Variants in ZBBX observed in about 807,000 individuals in gnomAD.
ZBBX encodes the protein zinc finger B-box domain-containing protein 1.
A neutral mutation model predicts 108.5 loss-of-function variants in ZBBX; 101 were observed. The observed-to-expected ratio is 0.93, with a 90% confidence interval of 0.79 to 1.10. The LOEUF (loss-of-function observed/expected upper bound fraction) is 1.10, where lower values mean the gene tolerates loss of function less well. Ranked by LOEUF, ZBBX falls within the 50% of genes least tolerant of loss-of-function variation. The pLI is 0.00. For missense variants in ZBBX, 1,009 were observed against 941.4 expected (o/e 1.07, Z -0.94); for synonymous variants, 356 against 323.4 (o/e 1.10, Z -1.08).
the ZBBX span, among the ~76,000 whole-genome samples, chr3:167,182,200 A>G: frequency 1.3e-5 from 2 of 152,054 alleles, no homozygotes; most frequent in African/African-American, 2.4e-5. Context: ...TATATCCTCT[A>G]CCCACTTTCA....
intron 20 of ZBBX, among the ~76,000 whole-genome samples, chr3:167,274,403 C>T (rs151011242): frequency 6.6e-6 from 1 of 152,310 alleles, no homozygotes; most frequent in African/African-American, 2.4e-5. Flanking sequence ...TAGTTCTCCT[C>T]CACCCTATTC....
intron 17 of ZBBX, among the ~76,000 whole-genome samples, chr3:167,299,425 T>C (rs1032963517): frequency 6.6e-6 from 1 of 152,068 alleles, no homozygotes; most frequent in Non-Finnish European, 1.5e-5. Context: ...CAATAAACAA[T>C]TACAGAATTC....
At chr3:167,332,147 G>A (rs2108392447) in intron 10 of ZBBX, among the ~76,000 whole-genome samples, 1 of 152,140 alleles carries the variant, frequency 6.6e-6, no homozygotes, top group South Asian at 2.1e-4. Context: ...ACAGTTGGAG[G>A]AGCACTGCTC....
rs1217117361 is a variant in ZBBX at position 167,347,088 on chromosome 3, G to T, written c.528+3332C>A. 2.0e-5 allele frequency among the ~76,000 whole-genome samples: 3 copies of T among 151,756 alleles called. No individual in the cohort carries two copies. The East Asian group carries it at 5.8e-4, about 29-fold the overall frequency. The stretch of plus-strand genomic sequence containing the variant: ...TTATTCTATTTCTTATAATAAAGGT[G>T]GTTATTATAACAGGCATGAGTCACT... On this transcript the variant is annotated intron_variant, in intron 9 of 21. Coordinates refer to ENST00000675490, the MANE Select transcript of ZBBX (RefSeq NM_001199201.2).
At chr3:167,220,827 A>G in the ZBBX span, among the ~76,000 whole-genome samples, 44 of 151,994 alleles carry the variant, frequency 2.9e-4, no homozygotes, top group Non-Finnish European at 5.4e-4. Flanking sequence ...AATTTGGAAA[A>G]GTCTAAAGAC....
chr3:167,241,550 A>G (rs1028875950), intron 21 of ZBBX, among the ~76,000 whole-genome samples: 2 of 152,178 alleles, frequency 1.3e-5, no homozygotes, highest in African/African-American at 4.8e-5. Flanking sequence ...GAAAATATCA[A>G]TCTTACATTG....
At chr3:167,214,855 C>T in the ZBBX span, among the ~76,000 whole-genome samples, 763 of 152,076 alleles carry the variant, frequency 5.0e-3, 6 homozygotes, top group African/African-American at 0.018. Flanking sequence ...CATGCAATTA[C>T]GTGGAAAGTA....
chr3:167,244,624 A>C (rs1449582230), intron 20 of ZBBX, among the ~76,000 whole-genome samples: 3 of 152,174 alleles, frequency 2.0e-5, no homozygotes, highest in African/African-American at 4.8e-5. Context: ...GAAAAATAAA[A>C]CTGCTCATAA....
chr3:167,337,412 G>C (rs371652328), intron 9 of ZBBX, among the ~76,000 whole-genome samples: 1 of 152,004 alleles, frequency 6.6e-6, no homozygotes, highest in South Asian at 2.1e-4. Context: ...TCAGCTATTC[G>C]GGAGGATGAG....
intron 1 of ZBBX, among the ~76,000 whole-genome samples, chr3:167,391,898 A>G (rs1748093180): frequency 6.6e-6 from 1 of 151,814 alleles, no homozygotes; most frequent in Non-Finnish European, 1.5e-5. Context: ...ATCAAGACTT[A>G]TCTATATCTA....
At chr3:167,265,449 G>T (rs1725294467) in intron 20 of ZBBX, among the ~76,000 whole-genome samples, 1 of 152,166 alleles carries the variant, frequency 6.6e-6, no homozygotes, top group South Asian at 2.1e-4. Context: ...TGAGCTGGTA[G>T]CCAAGAAGCA....
At chr3:167,191,934 T>TATAGAGAGAGAG in the ZBBX span, among the ~76,000 whole-genome samples, 250 of 130,212 alleles carry the variant, frequency 1.9e-3, 1 homozygote, top group African/African-American at 6.7e-3. Context: ...TATATATATA[T>TATAGAGAGAGAG]AGAGCAAGTT....
the ZBBX span, among the ~76,000 whole-genome samples, chr3:167,205,817 GTTAA>G: frequency 6.6e-6 from 1 of 152,026 alleles, no homozygotes; most frequent in Non-Finnish European, 1.5e-5. Flanking sequence ...AGTAATTTAT[GTTAA>G]TTAATCTGTA....
chr3:167,406,458 T>A (rs1170067179), intron 1 of ZBBX, among the ~76,000 whole-genome samples: 1 of 152,104 alleles, frequency 6.6e-6, no homozygotes, highest in Non-Finnish European at 1.5e-5. Flanking sequence ...CAGTGGCTCA[T>A]CCCTGTGATC....
the ZBBX span, among the ~76,000 whole-genome samples, chr3:167,183,006 CCAAA>C: frequency 1.3e-4 from 20 of 152,200 alleles, no homozygotes; most frequent in Admixed American, 5.9e-4. Flanking sequence ...TAGGCGCTGC[CCAAA>C]CAGTCACTGG....
At chr3:167,304,731 C>T (rs551415823) in intron 17 of ZBBX, among the ~76,000 whole-genome samples, 3 of 152,168 alleles carry the variant, frequency 2.0e-5, no homozygotes, top group African/African-American at 7.2e-5. Flanking sequence ...AGATCACTTG[C>T]AGAGATCAGT....
intron 9 of ZBBX, among the ~76,000 whole-genome samples, chr3:167,346,167 T>G (rs1404990549): frequency 6.6e-6 from 1 of 151,886 alleles, no homozygotes; most frequent in Non-Finnish European, 1.5e-5. Flanking sequence ...CAACCCTTAG[T>G]GTTGACAATC....
At chr3:167,258,050 G>A (rs1003598111) in intron 20 of ZBBX, among the ~76,000 whole-genome samples, 2 of 151,946 alleles carry the variant, frequency 1.3e-5, no homozygotes, top group African/African-American at 4.8e-5. Flanking sequence ...TTTGCTTTTG[G>A]GTTCTTGGTC....
intron 2 of ZBBX, 101 bp downstream of exon 2, chr3:167,379,537 T>A (rs1409899385): frequency 6.6e-6 from 1 of 152,210 alleles, no homozygotes; most frequent in Admixed American, 6.5e-5. Context: ...TGTATAATTT[T>A]AATCCTGTGT....
Sources: allele counts gnomAD v4.1 joint callset (sites outside exome capture counted in the v4.1 genomes callset), GRCh38; gene constraint gnomAD v4.1.1; transcripts MANE v1.5; gene names NCBI Gene and HGNC (gene_info 2026-07-23, HGNC 2026-07-21).